KCNK10: variants seen among roughly 807,000 people sequenced by gnomAD.
KCNK10 encodes the protein potassium channel subfamily K member 10.
In KCNK10, 25 loss-of-function variants were observed where a neutral mutation model predicts 47.7. That is an observed-to-expected ratio of 0.52 (90% CI 0.38 to 0.73). KCNK10 has a LOEUF of 0.73. Ranked by LOEUF, KCNK10 falls within the 30% of genes least tolerant of loss-of-function variation. The pLI, the probability that KCNK10 is intolerant of heterozygous loss-of-function variation, is 0.00. For missense variants in KCNK10, 563 were observed against 714.5 expected (o/e 0.79, Z 2.42); for synonymous variants, 303 against 285.6 (o/e 1.06, Z -0.61).
At chr14:88,262,236 C>A (rs1392006552) in intron 2 of KCNK10, among the ~76,000 whole-genome samples, 4 of 152,206 alleles carry the variant, frequency 2.6e-5, no homozygotes, top group Non-Finnish European at 5.9e-5. Context: ...ATAAATGTCA[C>A]CGCCTTCCAC....
At chr14:88,254,575 A>G (rs555892971) in intron 2 of KCNK10, among the ~76,000 whole-genome samples, 6 of 152,332 alleles carry the variant, frequency 3.9e-5, no homozygotes, top group Non-Finnish European at 8.8e-5. Context: ...CTTCCCCGTC[A>G]GTCAGCGAAG....
chr14:88,324,393 C>T (rs1370874979), upstream of KCNK10, among the ~76,000 whole-genome samples: 1 of 152,220 alleles, frequency 6.6e-6, no homozygotes, highest in Non-Finnish European at 1.5e-5. Flanking sequence ...CGGAGCCTTA[C>T]ACGTAGTAGG....
At chr14:88,291,348 G>C (rs992309212) in intron 1 of KCNK10, among the ~76,000 whole-genome samples, 1 of 152,298 alleles carries the variant, frequency 6.6e-6, no homozygotes, top group African/African-American at 2.4e-5. Flanking sequence ...GCCCTTTCCT[G>C]TTGTCTTGGG....
upstream of KCNK10, among the ~76,000 whole-genome samples, chr14:88,325,093 G>A (rs1888633204): frequency 6.6e-6 from 1 of 152,150 alleles, no homozygotes; most frequent in Non-Finnish European, 1.5e-5. Flanking sequence ...CTGGGAGGAT[G>A]GCTAAGACAT....
rs1884774228 is a variant in KCNK10 at position 88,192,288 on chromosome 14, G to A, written c.804C>T (p.Ala268=). ...CCACCACAAAGTAAATGGACTCCAA[G>A]GCCGTCCAGCCCTCGATGTACTTAA... The part of the protein sequence containing the change: ...VIFKYIEGWT[A]LESIYFVVVT... Residue 268 remains alanine, a synonymous_variant, in exon 5 of 7, where the codon GCC becomes GCT. Transcript: ENST00000319231. The A allele has an allele frequency of 1.2e-6, 2 of 1,614,082 alleles. No individual in the cohort carries two copies. The highest frequency in any genetic ancestry group is 1.7e-6 in the Non-Finnish European group (2 of 1,180,002).
At chr14:88,244,737 A>G (rs1886580579) in intron 2 of KCNK10, among the ~76,000 whole-genome samples, 1 of 152,230 alleles carries the variant, frequency 6.6e-6, no homozygotes, top group South Asian at 2.1e-4. Flanking sequence ...ATTAGAATGT[A>G]TGAGCACACA....
intron 4 of KCNK10, among the ~76,000 whole-genome samples, chr14:88,211,619 C>T (rs1442191811): frequency 6.6e-6 from 1 of 152,164 alleles, no homozygotes; most frequent in Non-Finnish European, 1.5e-5. Flanking sequence ...AACTTCTGGC[C>T]AGGCGCGGTG....
intron 1 of KCNK10, among the ~76,000 whole-genome samples, chr14:88,293,791 T>C (rs955035151): frequency 6.6e-6 from 1 of 151,840 alleles, no homozygotes; most frequent in Non-Finnish European, 1.5e-5. Context: ...TCCTCCTACC[T>C]CAGTCTCCCA....
Position 88,322,258 on chromosome 14 carries a change from C to G in KCNK10, c.52+489G>C, listed in dbSNP as rs534573675. Among the ~76,000 whole-genome samples, 4 of 152,320 alleles carry G rather than the reference C, an allele frequency of 2.6e-5. No individual in the cohort carries two copies. The highest frequency in any genetic ancestry group is 4.8e-5 in the African/African-American group (2 of 41,564). On this transcript the variant is annotated intron_variant, in intron 1 of 6. Coordinates refer to ENST00000319231, the MANE Select transcript of KCNK10 (RefSeq NM_138317.3). The surrounding 1 kb of genome is among the most constrained non-coding windows in gnomAD (Gnocchi z 4.8). ...TTCTGCATGCCCTGCGAGAACGGCC[C>G]ACCCCTAGGGACGGCTGCTGCAACT... is the stretch of plus-strand genomic sequence containing the variant.
At chr14:88,265,591 G>A (rs1185041966) in intron 1 of KCNK10, among the ~76,000 whole-genome samples, 3 of 152,164 alleles carry the variant, frequency 2.0e-5, no homozygotes, top group South Asian at 2.1e-4. Flanking sequence ...AATTTGCTAC[G>A]GAAGCCCCAG....
chr14:88,263,319 G>T lies in KCNK10; in HGVS notation c.285C>A (p.Phe95Leu). ...VVYLVTGGLV[F>L]RALEQPFESS... ...TCTCAAAGGGCTGCTCCAATGCCCG[G>T]AAGACAAGACCGCCAGTGACAAGGT... The change falls in exon 2 of 7, where the codon TTC becomes TTA. Residue 95 changes from phenylalanine (F) to leucine (L), a missense_variant. Transcript: ENST00000319231. 6.2e-7 allele frequency: 1 copy of T among 1,614,014 alleles called. No individual in the cohort carries two copies. Among genetic ancestry groups the T allele is most frequent in the Non-Finnish European group, 8.5e-7 (1 of 1,180,044 alleles).
chr14:88,315,827 C>T (rs1301589473), intron 1 of KCNK10, among the ~76,000 whole-genome samples: 1 of 151,978 alleles, frequency 6.6e-6, no homozygotes, highest in Non-Finnish European at 1.5e-5. Flanking sequence ...GGACCCTTTG[C>T]ACAAGCGAGA....
intron 1 of KCNK10, among the ~76,000 whole-genome samples, chr14:88,295,579 G>A (rs1311933064): frequency 6.6e-6 from 1 of 152,124 alleles, no homozygotes; most frequent in Non-Finnish European, 1.5e-5. Context: ...AGAATTGCTT[G>A]AACCAGGGAG....
intron 1 of KCNK10, among the ~76,000 whole-genome samples, chr14:88,307,453 G>A (rs1453600163): frequency 4.6e-5 from 7 of 152,148 alleles, no homozygotes; most frequent in Non-Finnish European, 7.3e-5. Context: ...CAGGGACTGG[G>A]AGAGATAAAA....
In KCNK10 at chr14:88,260,096, C is replaced by T. The variant is rs7146509; in HGVS notation, c.402+3106G>A. On this transcript the variant is annotated intron_variant, in intron 2 of 6. Transcript: ENST00000319231. This position sits in a 1 kb window ranked among gnomAD's most constrained non-coding sequence, Gnocchi z 4.5. ...TAGCTGGGACCACAGGTGCACACCA[C>T]CACGCCTGGCTAATTTTTGTATTTT... Among the ~76,000 whole-genome samples, 15,511 of 152,112 alleles carry T rather than the reference C, an allele frequency of 0.1. 1,735 individuals carry two copies. Among genetic ancestry groups the T allele is most frequent in the East Asian group, 0.3 (1,524 of 5,164 alleles).
chr14:88,306,638 G>A (rs1015138816), intron 1 of KCNK10, among the ~76,000 whole-genome samples: 2 of 152,016 alleles, frequency 1.3e-5, no homozygotes, highest in Admixed American at 1.3e-4. Context: ...CAGCAACTGA[G>A]GAAGGGATAC....
At chr14:88,206,266 G>A (rs1306441034) in intron 4 of KCNK10, among the ~76,000 whole-genome samples, 1 of 152,170 alleles carries the variant, frequency 6.6e-6, no homozygotes, top group Non-Finnish European at 1.5e-5. Context: ...GGTGTTTGCG[G>A]TTGTCACAAC....
intron 1 of KCNK10, among the ~76,000 whole-genome samples, chr14:88,286,060 G>A (rs371857161): frequency 1.8e-4 from 28 of 152,260 alleles, no homozygotes; most frequent in African/African-American, 6.0e-4. Context: ...CCCATGTGGA[G>A]AAACACAGTG....
rs1408719018 is a variant in KCNK10, at chr14:88,322,727, C to T, written c.52+20G>A. ...GAGACAGAGGCAGGGCGAGGGCAGC[C>T]AAAAGTAGGAAACACCCACCTTTAG... On this transcript the variant is annotated intron_variant, in intron 1 of 6. Transcript: ENST00000319231. The surrounding 1 kb of genome is among the most constrained non-coding windows in gnomAD (Gnocchi z 4.8). 1 of 1,614,000 alleles carries T rather than the reference C, an allele frequency of 6.2e-7. No homozygotes were observed. The highest frequency in any genetic ancestry group is 1.7e-5 in the Admixed American group (1 of 60,012).
Sources: gnomAD v4.1 joint callset for allele counts (sites outside exome capture counted in the v4.1 genomes callset) on GRCh38, gnomAD v4.1.1 for gene constraint, Gnocchi (gnomAD v3.1) non-coding constraint, MANE v1.5 for transcripts, NCBI Gene and HGNC (gene_info 2026-07-23, HGNC 2026-07-21) for gene names.